Variants in GABRA5 observed in about 807,000 individuals in gnomAD.
GABRA5 encodes gamma-aminobutyric acid type A receptor subunit alpha5.
A neutral mutation model predicts 47.3 loss-of-function variants in GABRA5; 18 were observed. The ratio of observed to expected loss-of-function variants is 0.38; its 90% CI spans 0.26 to 0.56. The LOEUF is 0.56. Among genes scored for constraint, GABRA5 ranks in the 20% least tolerant of loss-of-function variants. The pLI is 0.71. For synonymous variants in GABRA5, 237 were observed against 229.3 expected (o/e 1.03, Z -0.30); for missense variants, 365 against 599.3 (o/e 0.61, Z 4.08).
intron 8 of GABRA5, chr15:26,939,340 A>G: frequency 1.3e-6 from 1 of 765,302 alleles, no homozygotes; most frequent in East Asian, 2.4e-5. Flanking sequence ...GGCATCGCCA[A>G]TGAAATGCCC....
At chr15:26,882,953 G>A (rs1892769895) in intron 4 of GABRA5, among the ~76,000 whole-genome samples, 1 of 152,222 alleles carries the variant, frequency 6.6e-6, no homozygotes, top group Admixed American at 6.5e-5. Flanking sequence ...GGAGAGCCAA[G>A]CTGTGTTCTG....
intron 10 of GABRA5, among the ~76,000 whole-genome samples, chr15:26,947,168 T>C (rs1341946978): frequency 6.6e-6 from 1 of 152,192 alleles, no homozygotes; most frequent in Admixed American, 6.5e-5. Context: ...AGGGGGCAAG[T>C]CCTAATTCCG....
At chr15:26,893,964 C>T (rs1893108168) in intron 6 of GABRA5, among the ~76,000 whole-genome samples, 1 of 152,046 alleles carries the variant, frequency 6.6e-6, no homozygotes, top group Non-Finnish European at 1.5e-5. Context: ...TCCAAGGACC[C>T]TTGCTTGAAG....
intron 9 of GABRA5, among the ~76,000 whole-genome samples, chr15:26,940,659 G>A (rs1214485999): frequency 1.3e-5 from 2 of 152,140 alleles, no homozygotes; most frequent in Non-Finnish European, 2.9e-5. Context: ...AGTTTTCTTT[G>A]AAATGTGCCT....
chr15:26,914,967 G>T, intron 7 of GABRA5, 82 bp downstream of exon 7: 1 of 1,077,006 alleles, frequency 9.3e-7, no homozygotes, highest in Non-Finnish European at 1.4e-6. Flanking sequence ...TTTAGGTTCT[G>T]CATATACATA....
At chr15:26,893,005 G>A (rs966023759) in intron 6 of GABRA5, among the ~76,000 whole-genome samples, 1 of 149,670 alleles carries the variant, frequency 6.7e-6, no homozygotes, top group Non-Finnish European at 1.5e-5. Context: ...TGTGTGTGTA[G>A]TGTGTTGTGT....
At chr15:26,915,171 A>C (rs1479509106) in intron 7 of GABRA5, among the ~76,000 whole-genome samples, 1 of 152,178 alleles carries the variant, frequency 6.6e-6, no homozygotes, top group Non-Finnish European at 1.5e-5. Flanking sequence ...TCAGATCTCA[A>C]CCGGGCAGTT....
At chr15:26,929,045 TTATTTAGTCTATCAC>T (rs1894029023) in intron 7 of GABRA5, among the ~76,000 whole-genome samples, 1 of 86,654 alleles carries the variant, frequency 1.2e-5, no homozygotes, top group Non-Finnish European at 2.9e-5. Flanking sequence ...GGGGACACAG[TTATTTAGTCTATCAC>T]ATTCTTCCCC....
chr15:26,906,044 T>A (rs1289635531), intron 6 of GABRA5, among the ~76,000 whole-genome samples: 1 of 152,156 alleles, frequency 6.6e-6, no homozygotes, highest in Non-Finnish European at 1.5e-5. Flanking sequence ...TTGATGTATT[T>A]TATTTTTTTC....
At chr15:26,911,827 C>T (rs1893601350) in intron 6 of GABRA5, among the ~76,000 whole-genome samples, 1 of 152,176 alleles carries the variant, frequency 6.6e-6, no homozygotes, top group African/African-American at 2.4e-5. Flanking sequence ...AGGCTGCTTC[C>T]AGACCCAGTG....
At chr15:26,895,663 A>T (rs908985677) in intron 6 of GABRA5, among the ~76,000 whole-genome samples, 2 of 151,864 alleles carry the variant, frequency 1.3e-5, no homozygotes, top group African/African-American at 2.4e-5. Context: ...ATACAAAAAA[A>T]GTAGCCGGGC....
At chr15:26,891,420 A>C (rs145342878) in intron 6 of GABRA5, among the ~76,000 whole-genome samples, 36 of 152,330 alleles carry the variant, frequency 2.4e-4, no homozygotes, top group African/African-American at 8.7e-4. Context: ...GATAATGTCC[A>C]AGTGCCAAAC....
intron 7 of GABRA5, among the ~76,000 whole-genome samples, chr15:26,934,023 C>T (rs1045335705): frequency 9.2e-5 from 14 of 151,922 alleles, no homozygotes; most frequent in African/African-American, 2.7e-4. Context: ...GAGGCTGAGG[C>T]GGGTGTATCG....
rs554472232 is a variant in GABRA5 at position 26,869,234 on chromosome 15, C to G, written c.-15C>G. On this transcript the variant is annotated 5_prime_UTR_variant, in exon 3 of 11. Coordinates refer to ENST00000335625, the MANE Select transcript of GABRA5 (RefSeq NM_000810.4). The stretch of plus-strand genomic sequence containing the variant: ...CCTCCATATTCACCTGCTTCAACTA[C>G]TATTCTTATTGGGAATGGACAATGG... 10 of 1,488,324 alleles carry G rather than the reference C, an allele frequency of 6.7e-6. No homozygotes were observed. The highest frequency in any genetic ancestry group is 9.4e-6 in the Non-Finnish European group (10 of 1,065,414). 92.2% of individuals were successfully genotyped at this position (1,488,324 alleles called of 1,614,324 possible).
intron 6 of GABRA5, among the ~76,000 whole-genome samples, chr15:26,897,648 T>C (rs1893231285): frequency 6.6e-6 from 1 of 152,164 alleles, no homozygotes; most frequent in Non-Finnish European, 1.5e-5. Context: ...GGAGTACAAG[T>C]TGCCCCTTGA....
At chr15:26,875,577 C>G (rs920468779) in intron 3 of GABRA5, among the ~76,000 whole-genome samples, 9 of 152,172 alleles carry the variant, frequency 5.9e-5, no homozygotes, top group Non-Finnish European at 8.8e-5. Context: ...GTGAGCAAAG[C>G]TGTTGGCAGA....
chr15:26,867,609 G>A lies in GABRA5; in HGVS notation c.-140+498G>A, dbSNP rs1892351009. Among the ~76,000 whole-genome samples the A allele has an allele frequency of 6.6e-6, 1 of 152,066 alleles. No individual in the cohort carries two copies. Among genetic ancestry groups the A allele is most frequent in the Non-Finnish European group, 1.5e-5 (1 of 67,984 alleles). ...CTGAAGCCGGGCGCGGGAGAGAGCG[G>A]GGTCCGGGCGGCTCATCCCTGCCGG... On this transcript the variant is annotated intron_variant, in intron 1 of 10. Coordinates refer to ENST00000335625, the MANE Select transcript of GABRA5 (RefSeq NM_000810.4). This position sits in a 1 kb window ranked among gnomAD's most constrained non-coding sequence, Gnocchi z 5.9.
intron 3 of GABRA5, among the ~76,000 whole-genome samples, chr15:26,873,042 A>C (rs1892510128): frequency 6.6e-6 from 1 of 152,214 alleles, no homozygotes; most frequent in Admixed American, 6.5e-5. Context: ...GACCAAGTCA[A>C]GTATACAATA....
At chr15:26,912,435 T>A (rs113628458) in intron 6 of GABRA5, among the ~76,000 whole-genome samples, 36,908 of 152,234 alleles carry the variant, frequency 0.24, 5,126 homozygotes, top group Middle Eastern at 0.35. Context: ...TCCTTATAGG[T>A]GACTTTTTAA....
Sources: allele counts gnomAD v4.1 joint callset (sites outside exome capture counted in the v4.1 genomes callset), GRCh38; gene constraint gnomAD v4.1.1; non-coding constraint Gnocchi (gnomAD v3.1); transcripts MANE v1.5; gene names NCBI Gene and HGNC (gene_info 2026-07-23, HGNC 2026-07-21).